Variants in SUFU observed in about 807,000 individuals in gnomAD.
SUFU encodes the protein suppressor of fused homolog.
SUFU carries 7 observed loss-of-function variants against 58.9 expected under a neutral mutation model. The observed-to-expected ratio is 0.12, with a 90% CI of 0.07 to 0.22. The LOEUF (loss-of-function observed/expected upper bound fraction) is 0.22. Among genes scored for constraint, SUFU ranks in the 10% least tolerant of loss-of-function variants. The probability of loss-of-function intolerance (pLI) is 1.00; values close to 1 mark genes in which losing one functional copy is unlikely to be tolerated. For synonymous variants in SUFU, 232 were observed against 254.8 expected (o/e 0.91, Z 0.85); for missense variants, 451 against 641.3 (o/e 0.70, Z 3.20).
intron 2 of SUFU, 89 bp from the exon 3 acceptor site, chr10:102,549,881 C>G (rs1401700720): frequency 6.5e-7 from 1 of 1,544,652 alleles, no homozygotes; most frequent in East Asian, 2.3e-5. Flanking sequence ...ACTGAGGCCA[C>G]CATAAAAAGG....
At position 102,617,359 on chromosome 10, in the gene SUFU, C is replaced by T; in HGVS notation, c.1227C>T (p.Val409=). 1 of 1,614,252 alleles carries T rather than the reference C, an allele frequency of 6.2e-7. No individual in the cohort carries two copies. The change falls in exon 10 of 12, where the codon GTC becomes GTT. Residue 409 remains valine, a synonymous_variant. Coordinates refer to ENST00000369902, the MANE Select transcript of SUFU (RefSeq NM_016169.4). This position sits in a 1 kb window ranked among gnomAD's most constrained non-coding sequence, Gnocchi z 4.4. The part of the protein sequence containing the change: ...SITGDMAITF[V]STGVEGAFAT... Reference sequence around the variant, plus strand: ...CAGGTGACATGGCCATCACGTTTGTCTCCACGGGAGTGGAAGGCGCCTTTG... The same window carrying T: ...CAGGTGACATGGCCATCACGTTTGTTTCCACGGGAGTGGAAGGCGCCTTTG...
chr10:102,537,220 C>T (rs1348245905), intron 2 of SUFU, among the ~76,000 whole-genome samples: 1 of 150,874 alleles, frequency 6.6e-6, no homozygotes, highest in Non-Finnish European at 1.5e-5. Flanking sequence ...GCAGCCTGGA[C>T]CTCCCAGACT....
chr10:102,526,476 C>A (rs1258160732), intron 2 of SUFU, among the ~76,000 whole-genome samples: 1 of 151,740 alleles, frequency 6.6e-6, no homozygotes, highest in Non-Finnish European at 1.5e-5. Flanking sequence ...TCGCTTGAGC[C>A]CAGGAGGCAG....
chr10:102,568,941 T>C lies in SUFU; in HGVS notation c.454+18835T>C, dbSNP rs374482745. Among the ~76,000 whole-genome samples, 267 of 68,388 alleles carry C rather than the reference T, an allele frequency of 3.9e-3. 6 individuals are homozygous for C. Among genetic ancestry groups the C allele is most frequent in the African/African-American group, 6.2e-3 (121 of 19,574 alleles). 44.9% of individuals were successfully genotyped at this position (68,388 alleles called of 152,430 possible). ...ATATACACATATATATATATATATA[T>C]ATATATATATATATATATATATCTA... On this transcript the variant is annotated intron_variant, in intron 3 of 11. Coordinates refer to ENST00000369902, the MANE Select transcript of SUFU (RefSeq NM_016169.4).
chr10:102,606,435 G>A (rs1317277416), intron 8 of SUFU, among the ~76,000 whole-genome samples: 2 of 152,164 alleles, frequency 1.3e-5, no homozygotes, highest in Non-Finnish European at 2.9e-5. Context: ...CAGGCCTTGC[G>A]TCGTGGGATG....
intron 8 of SUFU, among the ~76,000 whole-genome samples, chr10:102,603,216 T>G (rs2063530549): frequency 6.6e-6 from 1 of 152,154 alleles, no homozygotes; most frequent in Admixed American, 6.5e-5. Context: ...GGCTGGAATG[T>G]GGTGGCAAGA....
intron 3 of SUFU, among the ~76,000 whole-genome samples, chr10:102,590,160 CT>C (rs1287182435): frequency 4.3e-4 from 20 of 46,498 alleles, no homozygotes; most frequent in Admixed American, 1.0e-3. Flanking sequence ...TTTCTTTTTT[CT>C]TTTTTTTTTT....
At chr10:102,540,188 T>C (rs2062782813) in intron 2 of SUFU, among the ~76,000 whole-genome samples, 1 of 152,194 alleles carries the variant, frequency 6.6e-6, no homozygotes, top group African/African-American at 2.4e-5. Context: ...GAATGGTATA[T>C]AGAAGCCATG....
intron 10 of SUFU, chr10:102,618,931 CGTGTGTGTGTGTGT>C (rs59259635): frequency 9.6e-4 from 552 of 575,412 alleles, no homozygotes; most frequent in Non-Finnish European, 1.1e-3. Flanking sequence ...CCTCAGGTAG[CGTGTGTGTGTGTGT>C]GTGTGTGTGT....
In SUFU at chr10:102,504,070, ACCGAGTCCG is replaced by A; in HGVS notation, c.-80_-72del. The stretch of plus-strand genomic sequence containing the variant: ...CCCATCGCCTCGGGGAGTCTCACCC[ACCGAGTCCG>A]CCCGCTGGCCCGTCAGTGCTCTCCC... On this transcript the variant is annotated 5_prime_UTR_variant, in exon 1 of 12. Transcript: ENST00000369902. The A allele has an allele frequency of 6.8e-7, 1 of 1,472,012 alleles. No individual in the cohort carries two copies. Among genetic ancestry groups the A allele is most frequent in the Non-Finnish European group, 9.0e-7 (1 of 1,116,078 alleles). 91.2% of individuals were successfully genotyped at this position (1,472,012 alleles called of 1,614,324 possible).
intron 2 of SUFU, among the ~76,000 whole-genome samples, chr10:102,519,384 G>A (rs1589985341): frequency 6.6e-6 from 1 of 151,178 alleles, no homozygotes; most frequent in Non-Finnish European, 1.5e-5. Context: ...AAAATTAGCC[G>A]GGCCTGTTGG....
rs1166324733 is a variant in SUFU at position 102,568,923 on chromosome 10, CATATATATATAT to C, written c.454+18846_454+18857del. Among the ~76,000 whole-genome samples the C allele has an allele frequency of 9.1e-3, 352 of 38,854 alleles. 7 individuals are homozygous for C. The highest frequency in any genetic ancestry group is 0.043 in the Middle Eastern group (2 of 46). 25.5% of individuals were successfully genotyped at this position (38,854 alleles called of 152,430 possible). A position where few individuals can be genotyped will look rare whatever the true frequency, so the allele number is the denominator to read the frequency against. On this transcript the variant is annotated intron_variant, in intron 3 of 11. Transcript: ENST00000369902. ...ATATATATATATATATATATATACA[CATATATATATAT>C]ATATATATATATATATATATATATA...
intron 1 of SUFU, among the ~76,000 whole-genome samples, chr10:102,504,923 G>A (rs2062305652): frequency 6.6e-6 from 1 of 152,082 alleles, no homozygotes; most frequent in African/African-American, 2.4e-5. Flanking sequence ...GTCGTATCAG[G>A]GCAAAGCTTT....
intron 3 of SUFU, among the ~76,000 whole-genome samples, chr10:102,552,318 A>C (rs2062927790): frequency 6.6e-6 from 1 of 151,170 alleles, no homozygotes; most frequent in South Asian, 2.1e-4. Flanking sequence ...CTATAGTCCC[A>C]GCTACTTGGG....
At chr10:102,579,994 T>C in intron 3 of SUFU, 1 of 316,674 alleles carries the variant, frequency 3.2e-6, no homozygotes, top group South Asian at 1.2e-4. Context: ...CTCAGCCACA[T>C]GTACAGAGAA....
At chr10:102,540,111 T>G (rs6584510) in intron 2 of SUFU, among the ~76,000 whole-genome samples, 46,239 of 151,972 alleles carry the variant, frequency 0.3, 7,329 homozygotes, top group Admixed American at 0.36. Flanking sequence ...AATTTCAGAA[T>G]CATTTTGTAC....
intron 2 of SUFU, among the ~76,000 whole-genome samples, chr10:102,534,221 G>T (rs2062709248): frequency 6.6e-6 from 1 of 152,172 alleles, no homozygotes; most frequent in African/African-American, 2.4e-5. Context: ...TAGGTCAGGA[G>T]ATCGAGACCA....
At chr10:102,607,287 C>G (rs561415449) in intron 8 of SUFU, among the ~76,000 whole-genome samples, 91 of 152,100 alleles carry the variant, frequency 6.0e-4, no homozygotes, top group Non-Finnish European at 9.4e-4. Context: ...TGAGCTCAAT[C>G]GATTTTCCCA....
chr10:102,561,142 C>G (rs2063033753), intron 3 of SUFU, among the ~76,000 whole-genome samples: 1 of 152,170 alleles, frequency 6.6e-6, no homozygotes, highest in Non-Finnish European at 1.5e-5. Flanking sequence ...TGCACCCAGC[C>G]TTACCGGAGT....
Sources: allele counts gnomAD v4.1 joint callset (sites outside exome capture counted in the v4.1 genomes callset), GRCh38; gene constraint gnomAD v4.1.1; non-coding constraint Gnocchi (gnomAD v3.1); transcripts MANE v1.5; gene names NCBI Gene and HGNC (gene_info 2026-07-23, HGNC 2026-07-21).